Variants in OSBPL9 observed in about 807,000 individuals in gnomAD.
OSBPL9 encodes the protein oxysterol-binding protein-related protein 9.
OSBPL9 carries 40 observed loss-of-function variants against 106.6 expected under a neutral mutation model. That is an observed-to-expected ratio of 0.38 (90% CI 0.29 to 0.49). OSBPL9 has a LOEUF of 0.49. Among genes scored for constraint, OSBPL9 ranks in the 20% least tolerant of loss-of-function variants. The probability of loss-of-function intolerance (pLI) is 0.97; values close to 1 mark genes in which losing one functional copy is unlikely to be tolerated. For synonymous variants in OSBPL9, 269 were observed against 295.4 expected (o/e 0.91, Z 0.92); for missense variants, 609 against 887.2 (o/e 0.69, Z 3.98).
the OSBPL9 span, among the ~76,000 whole-genome samples, chr1:51,538,266 T>C: frequency 6.6e-6 from 1 of 152,156 alleles, no homozygotes; most frequent in African/African-American, 2.4e-5. Context: ...CACTCCAGCC[T>C]GGGCAACAGA....
intron 2 of OSBPL9, among the ~76,000 whole-genome samples, chr1:51,664,788 G>A (rs1648033564): frequency 6.6e-6 from 1 of 152,202 alleles, no homozygotes. Flanking sequence ...GGAGGGTTGG[G>A]TTAATGATTA....
In OSBPL9 at chr1:51,788,644, T is replaced by G. The variant is rs913795539; in HGVS notation, c.*855T>G. Among the ~76,000 whole-genome samples, 8 of 152,158 alleles carry G rather than the reference T, an allele frequency of 5.3e-5. No individual in the cohort carries two copies. Among genetic ancestry groups the G allele is most frequent in the African/African-American group, 1.7e-4 (7 of 41,440 alleles). Reference sequence around the variant, plus strand: ...CCCTGCCAGGCAATTCCCCAGAATCTTCACTTAACTCATATTGCACATGTA... The same window carrying G: ...CCCTGCCAGGCAATTCCCCAGAATCGTCACTTAACTCATATTGCACATGTA... On this transcript the variant is annotated 3_prime_UTR_variant, in exon 24 of 24. Transcript: ENST00000428468.
chr1:51,577,200 C>T (rs1438992204), exon 1 of OSBPL9: 1 of 152,182 alleles, frequency 6.6e-6, no homozygotes, highest in Non-Finnish European at 1.5e-5. Flanking sequence ...CTTCCTGAGG[C>T]CTCCCTAGAA....
chr1:51,558,958 G>A, the OSBPL9 span, among the ~76,000 whole-genome samples: 1 of 152,106 alleles, frequency 6.6e-6, no homozygotes, highest in East Asian at 1.9e-4. Flanking sequence ...CCCAGCCTCT[G>A]TGCTGATTTA....
chr1:51,585,199 G>A (rs754773050), intron 1 of OSBPL9, among the ~76,000 whole-genome samples: 7 of 150,928 alleles, frequency 4.6e-5, no homozygotes, highest in Non-Finnish European at 1.0e-4. Context: ...AAGTCAGAAG[G>A]CCCTCAACTT....
the OSBPL9 span, among the ~76,000 whole-genome samples, chr1:51,530,638 A>C: frequency 6.6e-6 from 1 of 152,118 alleles, no homozygotes; most frequent in African/African-American, 2.4e-5. Flanking sequence ...TTGAGGCTGC[A>C]GTGAGCTATG....
intron 3 of OSBPL9, among the ~76,000 whole-genome samples, chr1:51,687,246 A>G (rs1332669087): frequency 6.6e-6 from 1 of 152,184 alleles, no homozygotes; most frequent in Non-Finnish European, 1.5e-5. Context: ...AGGGGGTCTC[A>G]GTTTGATAGG....
At chr1:51,644,078 TAAAAAAAAAAAAAAAA>T (rs968921768) in intron 1 of OSBPL9, among the ~76,000 whole-genome samples, 1 of 43,222 alleles carries the variant, frequency 2.3e-5, no homozygotes, top group Non-Finnish European at 4.0e-5. Context: ...AGACCTTGTC[TAAAAAAAAAAAAAAAA>T]AAAAAAAAAA....
At chr1:51,732,989 T>C (rs1332109020) in intron 4 of OSBPL9, among the ~76,000 whole-genome samples, 1 of 152,212 alleles carries the variant, frequency 6.6e-6, no homozygotes, top group Admixed American at 6.5e-5. Context: ...CCTTTCCTTC[T>C]TGCTTAGATT....
intron 4 of OSBPL9, 115 bp downstream of exon 4, chr1:51,714,194 T>C: frequency 1.5e-6 from 1 of 680,004 alleles, no homozygotes; most frequent in Non-Finnish European, 2.4e-6. Context: ...GAACTTATAA[T>C]TTCTGAGTTG....
intron 3 of OSBPL9, among the ~76,000 whole-genome samples, chr1:51,697,449 G>A (rs548480944): frequency 4.1e-4 from 58 of 140,304 alleles, no homozygotes; most frequent in African/African-American, 1.6e-3. Context: ...GATTATAGGG[G>A]TTACTTTTTT....
At chr1:51,587,285 A>C (rs1645251884) in intron 1 of OSBPL9, among the ~76,000 whole-genome samples, 1 of 152,184 alleles carries the variant, frequency 6.6e-6, no homozygotes. Context: ...GAATTGTTTG[A>C]ACACAGAAGG....
intron 3 of OSBPL9, chr1:51,669,920 A>G (rs1187372871): frequency 7.5e-6 from 3 of 398,338 alleles, no homozygotes; most frequent in Admixed American, 3.1e-5. Flanking sequence ...TCAAAATATA[A>G]ATTAAATTGA....
the OSBPL9 span, among the ~76,000 whole-genome samples, chr1:51,530,058 C>T: frequency 4.0e-5 from 6 of 150,274 alleles, no homozygotes; most frequent in Non-Finnish European, 7.4e-5. Context: ...GTAGTCCCAG[C>T]TACTTGGGAG....
chr1:51,686,505 T>C (rs1215125582), intron 3 of OSBPL9, among the ~76,000 whole-genome samples: 1 of 152,242 alleles, frequency 6.6e-6, no homozygotes, highest in African/African-American at 2.4e-5. Context: ...CTTCCTACAC[T>C]GACTGTATTA....
intron 4 of OSBPL9, among the ~76,000 whole-genome samples, chr1:51,733,252 G>A (rs762201265): frequency 3.3e-5 from 5 of 152,092 alleles, no homozygotes; most frequent in South Asian, 2.1e-4. Context: ...TTGTATCCCC[G>A]GGGCCTTTGT....
intron 3 of OSBPL9, among the ~76,000 whole-genome samples, chr1:51,684,344 A>G (rs2148810186): frequency 6.6e-6 from 1 of 152,258 alleles, no homozygotes; most frequent in East Asian, 1.9e-4. Flanking sequence ...ATAACAATGT[A>G]CTGTATTCTT....
chr1:51,788,107 CTG>C lies in OSBPL9; in HGVS notation c.*319_*320del. On this transcript the variant is annotated 3_prime_UTR_variant, in exon 24 of 24. Transcript: ENST00000428468. Reference sequence around the variant, plus strand: ...AAGTCTGAAACTCTGCGCTCTAGTACTGCTGTTAAGATACACAACTTGTTTCT... The same window carrying C: ...AAGTCTGAAACTCTGCGCTCTAGTACCTGTTAAGATACACAACTTGTTTCT... 1 of 330,786 alleles carries C rather than the reference CTG, an allele frequency of 3.0e-6. No homozygotes were observed. Among genetic ancestry groups the C allele is most frequent in the Non-Finnish European group, 5.7e-6 (1 of 176,696 alleles). 20.5% of individuals were successfully genotyped at this position (330,786 alleles called of 1,614,324 possible). A position where few individuals can be genotyped will look rare whatever the true frequency, so the allele number is the denominator to read the frequency against.
At chr1:51,586,753 C>A (rs1645250027) in intron 1 of OSBPL9, among the ~76,000 whole-genome samples, 1 of 152,106 alleles carries the variant, frequency 6.6e-6, no homozygotes, top group African/African-American at 2.4e-5. Context: ...GGCTGAGGCC[C>A]CTTGGGGTGG....
Sources: allele counts gnomAD v4.1 joint callset (sites outside exome capture counted in the v4.1 genomes callset), GRCh38; gene constraint gnomAD v4.1.1; transcripts MANE v1.5; gene names NCBI Gene and HGNC (gene_info 2026-07-23, HGNC 2026-07-21).